The following CTNNA3 variants were observed in gnomAD, a reference collection of about 807,000 sequenced individuals.
The protein encoded by CTNNA3 is catenin alpha-3.
CTNNA3 carries 76 observed loss-of-function variants against 95.7 expected under a neutral mutation model. That is an observed-to-expected ratio of 0.79 (90% CI 0.66 to 0.96). The LOEUF (loss-of-function observed/expected upper bound fraction) is 0.96, where lower values mean the gene tolerates loss of function less well. Among genes scored for constraint, CTNNA3 ranks in the 40% least tolerant of loss-of-function variants. CTNNA3 has a pLI of 0.00. For synonymous variants in CTNNA3, 431 were observed against 374.4 expected, an observed-to-expected ratio of 1.15 and a Z score of -1.74; for missense variants, 1,191 against 1,089.8, an observed-to-expected ratio of 1.09 and a Z score of -1.31.
At chr10:66,495,001 C>T (rs370988931) in intron 11 of CTNNA3, among the ~76,000 whole-genome samples, 4 of 152,254 alleles carry the variant, frequency 2.6e-5, no homozygotes, top group South Asian at 2.1e-4. Context: ...GCGTATTGAA[C>T]GCAGAAAATG....
At chr10:66,232,890 G>A (rs576099557) in intron 13 of CTNNA3, among the ~76,000 whole-genome samples, 4 of 152,058 alleles carry the variant, frequency 2.6e-5, no homozygotes, top group Non-Finnish European at 5.9e-5. Context: ...AGGCGCGGTG[G>A]CTCACGCCTG....
intron 5 of CTNNA3, among the ~76,000 whole-genome samples, chr10:67,451,582 C>T (rs1846985535): frequency 6.6e-6 from 1 of 152,200 alleles, no homozygotes; most frequent in African/African-American, 2.4e-5. Context: ...GAAGCAGGTT[C>T]TGGCTCTTAT....
intron 12 of CTNNA3, among the ~76,000 whole-genome samples, chr10:66,363,196 A>C (rs953647479): frequency 7.2e-5 from 11 of 152,190 alleles, no homozygotes; most frequent in Admixed American, 6.6e-4. Flanking sequence ...TTCTCTTCAA[A>C]ATAATTTTAG....
intron 13 of CTNNA3, among the ~76,000 whole-genome samples, chr10:66,279,991 T>A (rs1035324149): frequency 2.6e-5 from 4 of 151,948 alleles, no homozygotes; most frequent in African/African-American, 9.7e-5. Flanking sequence ...AAGTGTTTGT[T>A]GTTGCCAGCA....
chr10:67,539,596 A>G lies in CTNNA3; in HGVS notation c.366T>C (p.Val122=). 6.2e-7 allele frequency: 1 copy of G among 1,613,904 alleles called. No homozygotes were observed. Among genetic ancestry groups the G allele is most frequent in the Non-Finnish European group, 8.5e-7 (1 of 1,179,828 alleles). The change falls in exon 4 of 18, where the codon GTT becomes GTC. Residue 122 remains valine (V), a synonymous_variant. Coordinates refer to ENST00000433211, the MANE Select transcript of CTNNA3 (RefSeq NM_013266.4). The part of the protein sequence containing the change: ...PCFLPKREAV[V]QAARALLAAV... ...CAGCCAGCAAGGCACGGGCAGCTTG[A>G]ACCACAGCCTCCCTTTTTGGGAGAA... is the stretch of plus-strand genomic sequence containing the variant.
intron 3 of CTNNA3, among the ~76,000 whole-genome samples, chr10:67,559,160 G>C (rs903278387): frequency 6.6e-6 from 1 of 152,226 alleles, no homozygotes; most frequent in African/African-American, 2.4e-5. Context: ...CGCAGCTGGA[G>C]ATCTGAGAAC....
intron 15 of CTNNA3, among the ~76,000 whole-genome samples, chr10:66,008,871 G>T (rs1047365058): frequency 6.6e-6 from 1 of 152,154 alleles, no homozygotes; most frequent in Non-Finnish European, 1.5e-5. Context: ...TCAGGCTGAG[G>T]TGGGTGGATC....
intron 5 of CTNNA3, among the ~76,000 whole-genome samples, chr10:67,302,883 T>G (rs565069220): frequency 2.0e-4 from 30 of 152,252 alleles, no homozygotes; most frequent in African/African-American, 6.7e-4. Flanking sequence ...GAAAAAGGAT[T>G]GAATAAAAGG....
In CTNNA3 at chr10:67,692,792, T is replaced by A. The variant is rs184262670; in HGVS notation, c.-6+3208A>T. On this transcript the variant is annotated intron_variant, in intron 1 of 17. Transcript: ENST00000433211. ...ACAAAGTGCTTAGGGTGTAGCTGAT[T>A]TACTTTCAGGCACAAGCCTCTTATC... Among the ~76,000 whole-genome samples, 59 of 151,658 alleles carry A rather than the reference T, an allele frequency of 3.9e-4. 1 individual carries two copies. Among genetic ancestry groups the A allele is most frequent in the South Asian group, 2.9e-3 (14 of 4,816 alleles).
intron 9 of CTNNA3, among the ~76,000 whole-genome samples, chr10:66,633,725 TA>T (rs1196633183): frequency 8.5e-5 from 13 of 152,244 alleles, no homozygotes; most frequent in Admixed American, 5.2e-4. Flanking sequence ...ATGCAAAGTA[TA>T]ATGTCCACAG....
intron 5 of CTNNA3, among the ~76,000 whole-genome samples, chr10:67,397,139 A>G (rs1239216958): frequency 3.3e-5 from 5 of 152,142 alleles, no homozygotes; most frequent in Non-Finnish European, 1.5e-5. Flanking sequence ...TCACAAGCAG[A>G]GGTTGGAACA....
chr10:67,007,629 C>A (rs560373490), intron 7 of CTNNA3, among the ~76,000 whole-genome samples: 32 of 152,040 alleles, frequency 2.1e-4, no homozygotes, highest in African/African-American at 6.7e-4. Flanking sequence ...GAAACCCTTG[C>A]CAGTGTTTCC....
intron 11 of CTNNA3, among the ~76,000 whole-genome samples, chr10:66,437,698 T>A (rs907753195): frequency 2.6e-5 from 4 of 152,282 alleles, no homozygotes; most frequent in Non-Finnish European, 4.4e-5. Context: ...GAAGCCTACT[T>A]CTGTCAATTC....
At chr10:67,729,465 G>A (rs1841262725) in intron 1 of CTNNA3, among the ~76,000 whole-genome samples, 1 of 152,042 alleles carries the variant, frequency 6.6e-6, no homozygotes, top group Admixed American at 6.6e-5. Flanking sequence ...TAAAGACAAT[G>A]TTAATCTAAT....
At chr10:66,497,798 C>T (rs1303656985) in intron 11 of CTNNA3, among the ~76,000 whole-genome samples, 1 of 152,104 alleles carries the variant, frequency 6.6e-6, no homozygotes, top group Non-Finnish European at 1.5e-5. Flanking sequence ...TCTCCACCAT[C>T]TTCCAACATA....
chr10:66,129,300 T>C (rs1431217278), intron 13 of CTNNA3, among the ~76,000 whole-genome samples: 5 of 152,028 alleles, frequency 3.3e-5, no homozygotes, highest in Non-Finnish European at 7.4e-5. Flanking sequence ...TCTATTAAGG[T>C]ACAGGCAAGC....
chr10:66,529,338 G>A (rs1841377777), intron 10 of CTNNA3, among the ~76,000 whole-genome samples: 1 of 151,614 alleles, frequency 6.6e-6, no homozygotes, highest in Non-Finnish European at 1.5e-5. Context: ...CACCATGTTG[G>A]GCAGGCTGGT....
At chr10:67,697,059 T>A (rs1279934301), upstream of CTNNA3, among the ~76,000 whole-genome samples, 1 of 152,206 alleles carries the variant, frequency 6.6e-6, no homozygotes, top group Non-Finnish European at 1.5e-5. Context: ...TTAGCACAAA[T>A]TTCAGGGAGC....
At chr10:66,554,025 T>C (rs910718037) in intron 10 of CTNNA3, among the ~76,000 whole-genome samples, 3 of 152,126 alleles carry the variant, frequency 2.0e-5, no homozygotes, top group African/African-American at 4.8e-5. Flanking sequence ...CTCATTTTTT[T>C]CCCACACAGA....
Sources: allele counts gnomAD v4.1 joint callset (sites outside exome capture counted in the v4.1 genomes callset), GRCh38; gene constraint gnomAD v4.1.1; transcripts MANE v1.5; gene names NCBI Gene and HGNC (gene_info 2026-07-23, HGNC 2026-07-21).